The following PKIA variants were observed in gnomAD, a reference collection of about 807,000 sequenced individuals.
The protein encoded by PKIA is PKI-alpha.
PKIA carries 4 observed loss-of-function variants against 7.6 expected under a neutral mutation model. The observed-to-expected ratio is 0.52, with a 90% confidence interval of 0.26 to 1.20. The LOEUF is 1.20. Ranked by LOEUF, PKIA falls within the 50% of genes most tolerant of loss-of-function variation. PKIA has a pLI of 0.13. For missense variants in PKIA, 73 were observed against 86.2 expected, an observed-to-expected ratio of 0.85 and a Z score of 0.61; for synonymous variants, 21 against 30.7, an observed-to-expected ratio of 0.68 and a Z score of 1.04.
At chr8:78,556,731 T>G (rs915686876) in intron 1 of PKIA, 5 of 152,152 alleles carry the variant, frequency 3.3e-5, no homozygotes, top group African/African-American at 1.2e-4. Flanking sequence ...ACTGTGAAAT[T>G]TATGATGCTA....
At chr8:78,545,540 T>A (rs1806798532) in intron 1 of PKIA, among the ~76,000 whole-genome samples, 1 of 152,206 alleles carries the variant, frequency 6.6e-6, no homozygotes, top group African/African-American at 2.4e-5. Context: ...ATCCCTAGTG[T>A]AAGCTTAGCA....
chr8:78,601,744 G>T lies in PKIA; in HGVS notation c.154G>T (p.Gly52Cys). ...LAGLDINKTEGEEDAQRSSTE... is the reference protein window; with the variant it reads ...LAGLDINKTECEEDAQRSSTE... ...CTGTTTTCGTTTTTCTTTTGCAGAA[G>T]GTGAAGAAGATGCACAACGAAGTTC... Residue 52 changes from glycine to cysteine, a missense_variant and splice_region_variant, in exon 4 of 4, where the codon GGT (glycine) becomes TGT (cysteine). By Grantham distance (159) the Gly-to-Cys change is radical. Coordinates refer to ENST00000396418, the MANE Select transcript of PKIA (RefSeq NM_006823.4). The T allele has an allele frequency of 6.2e-7, 1 of 1,610,938 alleles. No individual in the cohort carries two copies. The highest frequency in any genetic ancestry group is 8.5e-7 in the Non-Finnish European group (1 of 1,178,002).
At chr8:78,562,691 G>T (rs1178243028) in intron 1 of PKIA, among the ~76,000 whole-genome samples, 1 of 152,088 alleles carries the variant, frequency 6.6e-6, no homozygotes. Context: ...AGAGAGACCA[G>T]CCTGCTCTGT....
chr8:78,593,199 T>C (rs1372702439), intron 2 of PKIA, among the ~76,000 whole-genome samples: 1 of 152,220 alleles, frequency 6.6e-6, no homozygotes, highest in Non-Finnish European at 1.5e-5. Flanking sequence ...CTTGGCTCAC[T>C]GCAACCTCCG....
At chr8:78,583,739 A>G (rs898615361) in intron 2 of PKIA, among the ~76,000 whole-genome samples, 1 of 152,082 alleles carries the variant, frequency 6.6e-6, no homozygotes, top group Admixed American at 6.6e-5. Flanking sequence ...GGTGGGAAAG[A>G]GACAATGTTG....
chr8:78,516,482 C>G lies in PKIA; in HGVS notation c.-157+14C>G, dbSNP rs1040761549. The G allele has an allele frequency of 6.6e-6, 1 of 152,344 alleles. No homozygotes were observed. Among genetic ancestry groups the G allele is most frequent in the Non-Finnish European group, 1.5e-5 (1 of 68,136 alleles). The allele number at this position is 152,344 out of a possible 1,614,324, so 9.4% of individuals were successfully genotyped here. On this transcript the variant is annotated intron_variant, in intron 1 of 3. Coordinates refer to ENST00000396418, the MANE Select transcript of PKIA (RefSeq NM_006823.4). ...GGTCCGGGGAAGGTAAGCAGCCCGG[C>G]ACCGGTGCGCCCTGGCCGCACTGCG...
chr8:78,580,089 A>T (rs1384037612), intron 2 of PKIA, among the ~76,000 whole-genome samples: 1 of 152,060 alleles, frequency 6.6e-6, no homozygotes, highest in East Asian at 1.9e-4. Flanking sequence ...TTGAAAATCC[A>T]TTCATAGAAA....
chr8:78,583,059 T>A (rs1403779047), intron 2 of PKIA, among the ~76,000 whole-genome samples: 1 of 152,184 alleles, frequency 6.6e-6, no homozygotes, highest in Non-Finnish European at 1.5e-5. Flanking sequence ...GGCCTATACC[T>A]GGTTATAAAT....
chr8:78,571,756 T>C (rs1807554183), intron 1 of PKIA, among the ~76,000 whole-genome samples: 1 of 152,106 alleles, frequency 6.6e-6, no homozygotes, highest in Non-Finnish European at 1.5e-5. Flanking sequence ...TCTCAGGCTC[T>C]GCTTCTGAGG....
intron 1 of PKIA, among the ~76,000 whole-genome samples, chr8:78,571,452 C>T (rs183024500): frequency 6.6e-6 from 1 of 152,230 alleles, no homozygotes; most frequent in East Asian, 1.9e-4. Context: ...CTCTTTAGGG[C>T]ACGCCAGAAG....
intron 1 of PKIA, among the ~76,000 whole-genome samples, chr8:78,543,701 C>T (rs190103522): frequency 3.3e-5 from 5 of 152,274 alleles, no homozygotes; most frequent in Admixed American, 6.5e-5. Flanking sequence ...AGTTTTCCTC[C>T]GTCACCTACC....
At chr8:78,564,260 G>T (rs2118527756) in intron 1 of PKIA, among the ~76,000 whole-genome samples, 1 of 152,016 alleles carries the variant, frequency 6.6e-6, no homozygotes, top group South Asian at 2.1e-4. Flanking sequence ...TCCCAGTCTT[G>T]GAAGCCCATT....
chr8:78,597,715 A>G (rs1808258685), intron 2 of PKIA, among the ~76,000 whole-genome samples: 1 of 152,138 alleles, frequency 6.6e-6, no homozygotes, highest in African/African-American at 2.4e-5. Flanking sequence ...CCCATTCTCT[A>G]TTTTTGTTAG....
intron 2 of PKIA, among the ~76,000 whole-genome samples, chr8:78,579,812 A>C (rs1807765006): frequency 6.6e-6 from 1 of 152,034 alleles, no homozygotes; most frequent in Non-Finnish European, 1.5e-5. Flanking sequence ...ATTTCCACCC[A>C]TAAAGATTCT....
chr8:78,523,175 C>T (rs1809449183), intron 1 of PKIA, among the ~76,000 whole-genome samples: 1 of 151,852 alleles, frequency 6.6e-6, no homozygotes, highest in African/African-American at 2.4e-5. Flanking sequence ...CTACTTAAAA[C>T]TAAAGGGTTG....
intron 1 of PKIA, among the ~76,000 whole-genome samples, chr8:78,524,286 G>A (rs908266119): frequency 1.4e-5 from 2 of 147,534 alleles, no homozygotes; most frequent in South Asian, 4.2e-4. Flanking sequence ...TATAATCACT[G>A]GAGAATAATG....
At chr8:78,582,173 GTTT>G (rs112095411) in intron 2 of PKIA, among the ~76,000 whole-genome samples, 2 of 129,696 alleles carry the variant, frequency 1.5e-5, no homozygotes, top group Non-Finnish European at 3.3e-5. Context: ...AATATTTCGT[GTTT>G]TTTTTTTTTT....
At chr8:78,557,517 G>A (rs539181582) in intron 1 of PKIA, among the ~76,000 whole-genome samples, 1 of 152,236 alleles carries the variant, frequency 6.6e-6, no homozygotes, top group East Asian at 1.9e-4. Context: ...CTTCAGCATT[G>A]TGGGACATGA....
intron 1 of PKIA, chr8:78,534,406 G>A (rs761004467): frequency 6.6e-5 from 10 of 152,104 alleles, no homozygotes; most frequent in South Asian, 2.1e-4. Flanking sequence ...GCCAAAGGAC[G>A]TTGTCAAGTT....
Sources: allele counts gnomAD v4.1 joint callset (sites outside exome capture counted in the v4.1 genomes callset), GRCh38; gene constraint gnomAD v4.1.1; transcripts MANE v1.5; gene names NCBI Gene and HGNC (gene_info 2026-07-23, HGNC 2026-07-21).